Variants in YAP1 observed in about 807,000 individuals in gnomAD.
YAP1 encodes the protein transcriptional coactivator YAP1.
A neutral mutation model predicts 56.9 loss-of-function variants in YAP1; 5 were observed. That is an observed-to-expected ratio of 0.09 (90% CI 0.05 to 0.18). The LOEUF (loss-of-function observed/expected upper bound fraction) is 0.18, where lower values mean the gene tolerates loss of function less well. Ranked by LOEUF, YAP1 falls within the 10% of genes least tolerant of loss-of-function variation. The pLI is 1.00. For synonymous variants in YAP1, 265 were observed against 248.1 expected, an observed-to-expected ratio of 1.07 and a Z score of -0.64; for missense variants, 539 against 651.8, an observed-to-expected ratio of 0.83 and a Z score of 1.88.
intron 1 of YAP1, chr11:102,112,599 G>A (rs1943023103): frequency 2.0e-6 from 2 of 984,892 alleles, no homozygotes; most frequent in Non-Finnish European, 2.4e-6. Context: ...CCTATTTGCA[G>A]GCCTGTTGTA....
rs532492031 is a variant in YAP1, at chr11:102,119,765, A to G, written c.572+5371A>G. 1.2e-4 allele frequency among the ~76,000 whole-genome samples: 18 copies of G among 152,288 alleles called. No homozygotes were observed. The South Asian group carries it at 3.7e-3, about 32-fold the overall frequency. On this transcript the variant is annotated intron_variant, in intron 2 of 8. Transcript: ENST00000282441. ...CACAGCTTAAAATACTCAGGGTATC[A>G]TGACTCTGCATTGCCTTGTACCTTA...
At chr11:102,136,929 C>T (rs906575780) in intron 2 of YAP1, among the ~76,000 whole-genome samples, 3 of 152,106 alleles carry the variant, frequency 2.0e-5, no homozygotes, top group African/African-American at 7.2e-5. Flanking sequence ...AGAGGAAGTC[C>T]TTTTATCTTG....
intron 4 of YAP1, among the ~76,000 whole-genome samples, chr11:102,188,869 G>A (rs567632638): frequency 6.6e-6 from 1 of 152,234 alleles, no homozygotes; most frequent in Non-Finnish European, 1.5e-5. Flanking sequence ...TGTTATTTAT[G>A]TAATTTTAGG....
At chr11:102,205,800 G>A (rs1358741148) in intron 4 of YAP1, 93 bp from the exon 5 acceptor site, 27 of 1,289,446 alleles carry the variant, frequency 2.1e-5, no homozygotes, top group East Asian at 1.1e-4. Flanking sequence ...AAGTTACATC[G>A]AATATCCCAA....
rs146855879 is a variant in YAP1, at chr11:102,225,445, G to A, written c.1163+1693G>A. Among the ~76,000 whole-genome samples the A allele has an allele frequency of 4.4e-3, 665 of 152,230 alleles. 4 individuals are homozygous for A. The highest frequency in any genetic ancestry group is 0.015 in the African/African-American group (635 of 41,520). On this transcript the variant is annotated intron_variant, in intron 7 of 8. Coordinates refer to ENST00000282441, the MANE Select transcript of YAP1 (RefSeq NM_001130145.3). ...GGTTGCGGTGAGCCGAGATCATGCC[G>A]TTGCACTCCAGCCTGGGCAACAAGA...
chr11:102,223,610 A>G lies in YAP1; in HGVS notation c.1033-12A>G, dbSNP rs772973420. The stretch of plus-strand genomic sequence containing the variant: ...CAGTAGATTGATTCTCTTTGGCTTT[A>G]TTTTTAATTAGGAGTTAGCCCTGCG... On this transcript the variant is annotated splice_polypyrimidine_tract_variant and intron_variant, in intron 6 of 8. Coordinates refer to ENST00000282441, the MANE Select transcript of YAP1 (RefSeq NM_001130145.3). 6.2e-7 allele frequency: 1 copy of G among 1,609,578 alleles called. No homozygotes were observed. The highest frequency in any genetic ancestry group is 8.5e-7 in the Non-Finnish European group (1 of 1,178,232).
chr11:102,179,356 T>C (rs994629965), intron 3 of YAP1, among the ~76,000 whole-genome samples: 1 of 152,190 alleles, frequency 6.6e-6, no homozygotes, highest in Non-Finnish European at 1.5e-5. Context: ...ATGTGTATTA[T>C]CCATTCTCAC....
chr11:102,181,690 A>G (rs1050047167), intron 3 of YAP1, among the ~76,000 whole-genome samples: 1 of 152,202 alleles, frequency 6.6e-6, no homozygotes, highest in Non-Finnish European at 1.5e-5. Context: ...GTGACTGTGT[A>G]CTATTCCCAG....
At chr11:102,220,167 G>C (rs944715612) in intron 6 of YAP1, among the ~76,000 whole-genome samples, 56 of 151,970 alleles carry the variant, frequency 3.7e-4, no homozygotes, top group African/African-American at 1.3e-3. Context: ...AGACCAGCCT[G>C]GGCGACATAT....
rs925835235 is a variant in YAP1, at chr11:102,112,613, TCTC to T, written c.321+1447_321+1449del. ...TCCTATTTGCAGGCCTGTTGTATAG[TCTC>T]CTGTCGGAGACCAAAGGGTTTTGGA... is the stretch of plus-strand genomic sequence containing the variant. On this transcript the variant is annotated intron_variant, in intron 1 of 8. Transcript: ENST00000282441. 8 of 985,020 alleles carry T rather than the reference TCTC, an allele frequency of 8.1e-6. No individual in the cohort carries two copies. The African/African-American group carries it at 1.2e-4, about 15-fold the overall frequency. The allele number at this position is 985,020 out of a possible 1,614,324, so 61.0% of individuals were successfully genotyped here.
Position 102,152,374 on chromosome 11 carries a change from T to C in YAP1, c.573-10082T>C, listed in dbSNP as rs75878543. ...CAGTGACCCCGATGTTAGCAGTTGT[T>C]GGGGAGGTGACACATAAGGCAGTGG... On this transcript the variant is annotated intron_variant, in intron 2 of 8. Coordinates refer to ENST00000282441, the MANE Select transcript of YAP1 (RefSeq NM_001130145.3). Among the ~76,000 whole-genome samples the C allele has an allele frequency of 2.0e-4, 30 of 152,336 alleles. 1 individual carries two copies. In the East Asian group the frequency reaches 5.8e-3, roughly 29 times the overall value.
chr11:102,162,716 C>A, intron 3 of YAP1, 145 bp downstream of exon 3: 1 of 778,152 alleles, frequency 1.3e-6, no homozygotes, highest in Non-Finnish European at 2.1e-6. Context: ...AAGACATAGT[C>A]TATTTTAAAA....
rs1795199444 is a variant in YAP1 at position 102,232,082 on chromosome 11, G to T, written c.*2142G>T. 1 of 152,404 alleles carries T rather than the reference G, an allele frequency of 6.6e-6. No individual in the cohort carries two copies. Among genetic ancestry groups the T allele is most frequent in the Non-Finnish European group, 1.5e-5 (1 of 68,026 alleles). The allele number at this position is 152,404 out of a possible 1,614,324, so 9.4% of individuals were successfully genotyped here. A position where few individuals can be genotyped will look rare whatever the true frequency, so the allele number is the denominator to read the frequency against. ...AATGGCCACTGCAGATGGAGTTTTA[G>T]AGTAGTAATGAAATTCTACCTAGAA... On this transcript the variant is annotated 3_prime_UTR_variant, in exon 9 of 9. Transcript: ENST00000282441.
Position 102,232,351 on chromosome 11 carries a change from C to G in YAP1, c.*2411C>G, listed in dbSNP as rs1950462071. On this transcript the variant is annotated 3_prime_UTR_variant, in exon 9 of 9. Transcript: ENST00000282441. ...TAAACTTCTTTCTCTTTAATAAAGACTTGTCTTACACCGTGCTGCCATTAA... is the reference window on the plus strand; with the variant it reads ...TAAACTTCTTTCTCTTTAATAAAGAGTTGTCTTACACCGTGCTGCCATTAA... 6.6e-6 allele frequency: 1 copy of G among 151,850 alleles called. No individual in the cohort carries two copies. Among genetic ancestry groups the G allele is most frequent in the Non-Finnish European group, 1.5e-5 (1 of 67,964 alleles). The allele number at this position is 151,850 out of a possible 1,614,324, so 9.4% of individuals were successfully genotyped here.
At chr11:102,163,263 G>A (rs995375416) in intron 3 of YAP1, among the ~76,000 whole-genome samples, 2 of 152,006 alleles carry the variant, frequency 1.3e-5, no homozygotes, top group South Asian at 4.1e-4. Context: ...ATGATAGAAG[G>A]GAAGATATGA....
intron 7 of YAP1, 146 bp downstream of exon 7, chr11:102,223,898 C>A: frequency 9.4e-7 from 1 of 1,068,082 alleles, no homozygotes; most frequent in Non-Finnish European, 1.3e-6. Context: ...ATGGCAAGTA[C>A]ATGCAGAGTT....
intron 3 of YAP1, among the ~76,000 whole-genome samples, chr11:102,179,245 A>G (rs7937458): frequency 0.044 from 6,732 of 152,060 alleles, 510 homozygotes; most frequent in African/African-American, 0.16. Context: ...AGACTTTGGT[A>G]TTGGTGGTCA....
intron 6 of YAP1, among the ~76,000 whole-genome samples, chr11:102,218,727 C>T (rs544885848): frequency 2.6e-5 from 4 of 152,240 alleles, no homozygotes; most frequent in African/African-American, 9.6e-5. Context: ...TTCAAGGGGT[C>T]GGATATCTCC....
At chr11:102,229,485 G>A (rs924433277) in intron 8 of YAP1, among the ~76,000 whole-genome samples, 6 of 152,050 alleles carry the variant, frequency 3.9e-5, no homozygotes, top group Non-Finnish European at 4.4e-5. Flanking sequence ...TAGCAATCAA[G>A]CTGTTATTGG....
Sources: gnomAD v4.1 joint callset for allele counts (sites outside exome capture counted in the v4.1 genomes callset) on GRCh38, gnomAD v4.1.1 for gene constraint, MANE v1.5 for transcripts, NCBI Gene and HGNC (gene_info 2026-07-23, HGNC 2026-07-21) for gene names.